The following BMP8A variants were observed in gnomAD, a reference collection of about 807,000 sequenced individuals.
BMP8A encodes the protein BMP-8A.
In BMP8A, 14 loss-of-function variants were observed where a neutral mutation model predicts 36.8. The ratio of observed to expected loss-of-function variants is 0.38; its 90% CI spans 0.25 to 0.60. The LOEUF is 0.60. BMP8A is among the 20% of genes least tolerant of loss of function. BMP8A has a pLI of 0.63. For synonymous variants in BMP8A, 120 were observed against 237.7 expected, an observed-to-expected ratio of 0.50 and a Z score of 4.55; for missense variants, 267 against 551.1, an observed-to-expected ratio of 0.48 and a Z score of 5.16.
At chr1:39,493,402 GC>G (rs1248234129) in intron 1 of BMP8A, among the ~76,000 whole-genome samples, 1 of 152,244 alleles carries the variant, frequency 6.6e-6, no homozygotes, top group Non-Finnish European at 1.5e-5. Flanking sequence ...ATGTTGCTGA[GC>G]CAGGACAGGC....
intron 1 of BMP8A, among the ~76,000 whole-genome samples, chr1:39,496,764 C>T (rs1463332554): frequency 1.3e-5 from 2 of 152,168 alleles, no homozygotes; most frequent in Non-Finnish European, 2.9e-5. Context: ...AGGCCAGGTC[C>T]CCGCCTATCA....
intron 1 of BMP8A, among the ~76,000 whole-genome samples, chr1:39,507,819 A>T (rs2124346038): frequency 6.6e-6 from 1 of 152,254 alleles, no homozygotes; most frequent in South Asian, 2.1e-4. Flanking sequence ...CATTTGACCC[A>T]CTGTTTCAAA....
At chr1:39,516,725 G>A (rs1362155799) in intron 3 of BMP8A, among the ~76,000 whole-genome samples, 3 of 151,712 alleles carry the variant, frequency 2.0e-5, no homozygotes, top group Non-Finnish European at 2.9e-5. Context: ...CAGTGGTGAG[G>A]AATGGATGTC....
At chr1:39,499,523 A>C (rs1370377086) in intron 1 of BMP8A, among the ~76,000 whole-genome samples, 1 of 152,254 alleles carries the variant, frequency 6.6e-6, no homozygotes, top group African/African-American at 2.4e-5. Flanking sequence ...AGAGCACAAA[A>C]ATAGCCAGAG....
chr1:39,523,192 G>C lies in BMP8A; in HGVS notation c.1059+75G>C, dbSNP rs376896121. On this transcript the variant is annotated intron_variant, in intron 6 of 6. Coordinates refer to ENST00000331593, the MANE Select transcript of BMP8A (RefSeq NM_181809.4). Reference sequence around the variant, plus strand: ...AGAGAGGGGTCTGGTCCAGCCAGCCGGGAGGGCAGTGAGGCCACCTGCTCC... The same window carrying C: ...AGAGAGGGGTCTGGTCCAGCCAGCCCGGAGGGCAGTGAGGCCACCTGCTCC... 18 of 1,536,160 alleles carry C rather than the reference G, an allele frequency of 1.2e-5. No individual in the cohort carries two copies. The East Asian group carries it at 2.8e-4, about 24-fold the overall frequency.
intron 3 of BMP8A, among the ~76,000 whole-genome samples, chr1:39,517,842 G>A (rs1645404972): frequency 6.6e-6 from 1 of 152,282 alleles, no homozygotes; most frequent in Non-Finnish European, 1.5e-5. Context: ...AAATCCACCA[G>A]GAAGCTTCCT....
In BMP8A at chr1:39,524,570, GGA is replaced by G. The variant is rs549692023; in HGVS notation, c.1060-1075_1060-1074del. 3.9e-3 allele frequency among the ~76,000 whole-genome samples: 599 copies of G among 152,282 alleles called. 2 individuals carry two copies. The highest frequency in any genetic ancestry group is 0.014 in the African/African-American group (577 of 41,554). On this transcript the variant is annotated intron_variant, in intron 6 of 6. Transcript: ENST00000331593. The surrounding 1 kb of genome is among the most constrained non-coding windows in gnomAD (Gnocchi z 4.0). ...GCCCTAAGTTCAGGGCCAGCAGGGA[GGA>G]GAGGGGCTGGGTGCAGTGAAGGGGA... is the stretch of plus-strand genomic sequence containing the variant.
chr1:39,501,948 C>A (rs1474699814), intron 1 of BMP8A, among the ~76,000 whole-genome samples: 1 of 152,174 alleles, frequency 6.6e-6, no homozygotes, highest in African/African-American at 2.4e-5. Flanking sequence ...TCTAAAGAAA[C>A]CCCACACTGG....
intron 1 of BMP8A, among the ~76,000 whole-genome samples, chr1:39,500,246 C>T (rs781027623): frequency 1.3e-5 from 2 of 152,336 alleles, no homozygotes; most frequent in Non-Finnish European, 2.9e-5. Context: ...TTTCCCCTTA[C>T]TTTCCAGGTT....
At chr1:39,506,116 A>C (rs538528763) in intron 1 of BMP8A, among the ~76,000 whole-genome samples, 104 of 152,296 alleles carry the variant, frequency 6.8e-4, no homozygotes, top group Non-Finnish European at 1.2e-3. Flanking sequence ...TCCTAGATTG[A>C]ATTCTTGACA....
chr1:39,496,633 C>T (rs981549158), intron 1 of BMP8A, among the ~76,000 whole-genome samples: 5 of 152,154 alleles, frequency 3.3e-5, no homozygotes, highest in Non-Finnish European at 5.9e-5. Flanking sequence ...TCACAATTGC[C>T]GTCACATCTG....
At chr1:39,522,637 A>C (rs1645437852) in intron 5 of BMP8A, 155 bp downstream of exon 5, 3 of 1,253,224 alleles carry the variant, frequency 2.4e-6, no homozygotes, top group Admixed American at 6.0e-5. Flanking sequence ...GAATATGGTG[A>C]GAAAGGGTTT....
chr1:39,494,218 C>A (rs180766982), intron 1 of BMP8A, among the ~76,000 whole-genome samples: 2 of 152,166 alleles, frequency 1.3e-5, no homozygotes, highest in Non-Finnish European at 2.9e-5. Context: ...GTCTTGTACA[C>A]GTGAAACCCA....
chr1:39,513,946 T>C (rs1645377440), intron 3 of BMP8A, among the ~76,000 whole-genome samples: 1 of 151,914 alleles, frequency 6.6e-6, no homozygotes, highest in Admixed American at 6.6e-5. Context: ...GATGAGGTGA[T>C]CCAGACGCCA....
Position 39,502,235 on chromosome 1 carries a change from CAAAAAA to C in BMP8A, c.335-8928_335-8923del, listed in dbSNP as rs144694221. Among the ~76,000 whole-genome samples, 217 of 123,118 alleles carry C rather than the reference CAAAAAA, an allele frequency of 1.8e-3. 1 individual carries two copies. Among genetic ancestry groups the C allele is most frequent in the African/African-American group, 6.5e-3 (201 of 31,020 alleles). 80.8% of individuals were successfully genotyped at this position (123,118 alleles called of 152,430 possible). On this transcript the variant is annotated intron_variant, in intron 1 of 6. Coordinates refer to ENST00000331593, the MANE Select transcript of BMP8A (RefSeq NM_181809.4). Reference sequence around the variant, plus strand: ...CCTGGCCGACAGAGTGAGACTGTCTCAAAAAAAAAAAAAAAAGAAAAGGAAACCCCA... The same window carrying C: ...CCTGGCCGACAGAGTGAGACTGTCTCAAAAAAAAAAGAAAAGGAAACCCCA...
intron 1 of BMP8A, among the ~76,000 whole-genome samples, chr1:39,501,587 A>C (rs1022903259): frequency 6.6e-6 from 1 of 152,170 alleles, no homozygotes; most frequent in African/African-American, 2.4e-5. Flanking sequence ...GCTAAAGTGC[A>C]GTGATGTGAT....
In BMP8A at chr1:39,524,338, GC is replaced by G. The variant is rs1459611965; in HGVS notation, c.1059+1222del. The stretch of plus-strand genomic sequence containing the variant: ...TCACAGCCTACAGGGCAGCAAACAG[GC>G]ACTGTGCTCTAGGGGAGGCTGTCGG... On this transcript the variant is annotated intron_variant, in intron 6 of 6. Transcript: ENST00000331593. The surrounding 1 kb of genome is among the most constrained non-coding windows in gnomAD (Gnocchi z 4.0). Among the ~76,000 whole-genome samples the G allele has an allele frequency of 6.6e-6, 1 of 152,138 alleles. No homozygotes were observed. The highest frequency in any genetic ancestry group is 1.5e-5 in the Non-Finnish European group (1 of 68,020).
chr1:39,527,903 C>T lies in BMP8A; in HGVS notation c.*2105C>T, dbSNP rs1480256356. Among the ~76,000 whole-genome samples the T allele has an allele frequency of 6.6e-6, 1 of 152,228 alleles. No homozygotes were observed. Among genetic ancestry groups the T allele is most frequent in the Non-Finnish European group, 1.5e-5 (1 of 68,038 alleles). The stretch of plus-strand genomic sequence containing the variant: ...CCAGAGAACCCATCTGCCCCCATGA[C>T]CTTCTCCCAGAGCTTGAGACATGGC... On this transcript the variant is annotated 3_prime_UTR_variant, in exon 7 of 7. Transcript: ENST00000331593.
At chr1:39,508,948 A>G (rs553057130) in intron 1 of BMP8A, among the ~76,000 whole-genome samples, 1 of 152,328 alleles carries the variant, frequency 6.6e-6, no homozygotes, top group Non-Finnish European at 1.5e-5. Context: ...TTTGGAACTC[A>G]GGTCGGTTCA....
Sources: gnomAD v4.1 joint callset for allele counts (sites outside exome capture counted in the v4.1 genomes callset) on GRCh38, gnomAD v4.1.1 for gene constraint, Gnocchi (gnomAD v3.1) non-coding constraint, MANE v1.5 for transcripts, NCBI Gene and HGNC (gene_info 2026-07-23, HGNC 2026-07-21) for gene names.